The following FOXK1 variants were observed in gnomAD, a reference collection of about 807,000 sequenced individuals.
FOXK1 encodes the protein forkhead box protein K1.
In FOXK1, 19 loss-of-function variants were observed where a neutral mutation model predicts 51.9. The ratio of observed to expected loss-of-function variants is 0.37; its 90% CI spans 0.26 to 0.54. FOXK1 has a LOEUF of 0.54. Among genes scored for constraint, FOXK1 ranks in the 20% least tolerant of loss-of-function variants. FOXK1 has a pLI of 0.87. For missense variants in FOXK1, 870 were observed against 1,032.7 expected, an observed-to-expected ratio of 0.84 and a Z score of 2.16; for synonymous variants, 537 against 482.6, an observed-to-expected ratio of 1.11 and a Z score of -1.48.
intron 1 of FOXK1, among the ~76,000 whole-genome samples, chr7:4,702,266 T>A (rs1407542587): frequency 1.3e-5 from 2 of 152,202 alleles, no homozygotes; most frequent in Non-Finnish European, 2.9e-5. Flanking sequence ...CCTGGAGGAA[T>A]TTAACCCTAG....
At chr7:4,706,045 T>TATATATATAC (rs1562373246) in intron 1 of FOXK1, among the ~76,000 whole-genome samples, 3 of 118,292 alleles carry the variant, frequency 2.5e-5, no homozygotes, top group African/African-American at 1.7e-4. Context: ...TGTATATACG[T>TATATATATAC]GTATATATGT....
Position 4,733,833 on chromosome 7 carries a change from G to A in FOXK1, c.561-7005G>A, listed in dbSNP as rs545078485. Among the ~76,000 whole-genome samples, 1 of 152,222 alleles carries A rather than the reference G, an allele frequency of 6.6e-6. No homozygotes were observed. ...CTGCAGGCTGGGTGGGACGGTGGGA[G>A]CCTTTCCCTGGTCTTTAGTCCGGCT... On this transcript the variant is annotated intron_variant, in intron 1 of 8. Transcript: ENST00000328914. The surrounding 1 kb of genome is among the most constrained non-coding windows in gnomAD (Gnocchi z 5.0).
intron 1 of FOXK1, among the ~76,000 whole-genome samples, chr7:4,719,781 C>G (rs1780285709): frequency 6.6e-6 from 1 of 152,210 alleles, no homozygotes; most frequent in Non-Finnish European, 1.5e-5. Context: ...CGCGCCCGGC[C>G]TGCATTGAAC....
rs1331530699 is a variant in FOXK1 at position 4,723,411 on chromosome 7, A to G, written c.561-17427A>G. ...TGGGGTTTTTTTTTTGGACGTTCCC[A>G]GCTGACTAAATTTGCCTTCTTCCTT... On this transcript the variant is annotated intron_variant, in intron 1 of 8. Coordinates refer to ENST00000328914, the MANE Select transcript of FOXK1 (RefSeq NM_001037165.2). This position sits in a 1 kb window ranked among gnomAD's most constrained non-coding sequence, Gnocchi z 4.7. Among the ~76,000 whole-genome samples the G allele has an allele frequency of 1.3e-5, 2 of 151,778 alleles. No homozygotes were observed. The highest frequency in any genetic ancestry group is 2.4e-5 in the African/African-American group (1 of 41,324).
intron 1 of FOXK1, among the ~76,000 whole-genome samples, chr7:4,712,282 T>A (rs1221737546): frequency 6.6e-6 from 1 of 152,074 alleles, no homozygotes; most frequent in Admixed American, 6.6e-5. Flanking sequence ...CTCCGGCACT[T>A]GGTTCCTGTC....
chr7:4,691,389 C>T (rs1485362950), intron 1 of FOXK1, among the ~76,000 whole-genome samples: 1 of 152,210 alleles, frequency 6.6e-6, no homozygotes, highest in Non-Finnish European at 1.5e-5. Context: ...GGCTGGAGTG[C>T]AGTGGTGCAA....
chr7:4,713,067 C>T (rs1780194199), intron 1 of FOXK1, among the ~76,000 whole-genome samples: 1 of 152,212 alleles, frequency 6.6e-6, no homozygotes, highest in Non-Finnish European at 1.5e-5. Flanking sequence ...ACATCTGGAG[C>T]TCATAGATAA....
chr7:4,758,860 C>T lies in FOXK1; in HGVS notation c.1245-191C>T. On this transcript the variant is annotated intron_variant, in intron 5 of 8. Coordinates refer to ENST00000328914, the MANE Select transcript of FOXK1 (RefSeq NM_001037165.2). This position sits in a 1 kb window ranked among gnomAD's most constrained non-coding sequence, Gnocchi z 4.4. ...TGGAACGGAGCCTCCCCCATGCAGCCCCCACTCAAATGGAGTTTTAAAGGC... is the reference window on the plus strand; with the variant it reads ...TGGAACGGAGCCTCCCCCATGCAGCTCCCACTCAAATGGAGTTTTAAAGGC... 2 of 612,006 alleles carry T rather than the reference C, an allele frequency of 3.3e-6. No homozygotes were observed. Among genetic ancestry groups the T allele is most frequent in the Non-Finnish European group, 5.7e-6 (2 of 353,758 alleles). 37.9% of individuals were successfully genotyped at this position (612,006 alleles called of 1,614,324 possible).
intron 1 of FOXK1, among the ~76,000 whole-genome samples, chr7:4,728,861 C>T (rs545326566): frequency 4.1e-4 from 63 of 151,974 alleles, no homozygotes; most frequent in Non-Finnish European, 8.7e-4. Flanking sequence ...TCTTAGAGGA[C>T]GCAAAGTCTA....
At chr7:4,760,248 A>G (rs10255160) in intron 7 of FOXK1, among the ~76,000 whole-genome samples, 3,071 of 152,286 alleles carry the variant, frequency 0.02, 111 homozygotes, top group African/African-American at 0.068. Flanking sequence ...TTTAGAAGTC[A>G]TTTAGGGAAA....
intron 1 of FOXK1, among the ~76,000 whole-genome samples, chr7:4,712,507 C>A (rs1261558554): frequency 1.3e-5 from 2 of 152,156 alleles, no homozygotes; most frequent in Non-Finnish European, 2.9e-5. Context: ...ATAAACACTT[C>A]TCAGAGGCAG....
At position 4,762,460 on chromosome 7, in the gene FOXK1, A is replaced by T; in HGVS notation, c.2198A>T (p.Glu733Val). The stretch of plus-strand genomic sequence containing the variant: ...GGCCCCCAGGGGCCAGGCACCGGGG[A>T]GTGAGGTCACCTGCAACGCGGGGGA... ...AAGPQGPGTG[E>V] Residue 733 changes from glutamate (E) to valine (V), a missense_variant, in exon 9 of 9, where the codon GAG becomes GTG. Around this residue, in one of 3 missense-constraint regions of FOXK1, gnomAD observed 457 missense variants for 510.8 expected, o/e 0.89. Transcript: ENST00000328914. The surrounding 1 kb of genome is among the most constrained non-coding windows in gnomAD (Gnocchi z 5.7). 6.5e-7 allele frequency: 1 copy of T among 1,541,336 alleles called. No individual in the cohort carries two copies. Among genetic ancestry groups the T allele is most frequent in the Non-Finnish European group, 8.8e-7 (1 of 1,141,176 alleles).
chr7:4,710,541 C>G (rs1166125407), intron 1 of FOXK1, among the ~76,000 whole-genome samples: 1 of 152,166 alleles, frequency 6.6e-6, no homozygotes. Flanking sequence ...CGCCACTGCA[C>G]TCCAGCTTGG....
rs1780810920 is a variant in FOXK1 at position 4,753,993 on chromosome 7, G to T, written c.747-466G>T. Reference sequence around the variant, plus strand: ...CCTGCAGGGCGATGGCACCTCCACAGCCTCTTTCCAGGATCTGCCTCTGTG... The same window carrying T: ...CCTGCAGGGCGATGGCACCTCCACATCCTCTTTCCAGGATCTGCCTCTGTG... On this transcript the variant is annotated intron_variant, in intron 2 of 8. Coordinates refer to ENST00000328914, the MANE Select transcript of FOXK1 (RefSeq NM_001037165.2). The surrounding 1 kb of genome is among the most constrained non-coding windows in gnomAD (Gnocchi z 4.9). 6.6e-6 allele frequency among the ~76,000 whole-genome samples: 1 copy of T among 152,220 alleles called. No homozygotes were observed. Among genetic ancestry groups the T allele is most frequent in the Non-Finnish European group, 1.5e-5 (1 of 68,038 alleles).
At chr7:4,710,539 C>G (rs1018077275) in intron 1 of FOXK1, among the ~76,000 whole-genome samples, 1 of 152,220 alleles carries the variant, frequency 6.6e-6, no homozygotes, top group East Asian at 1.9e-4. Context: ...CGCGCCACTG[C>G]ACTCCAGCTT....
At position 4,743,334 on chromosome 7, in the gene FOXK1, C is replaced by G. The variant is rs987345284; in HGVS notation, c.746+2311C>G. 1.3e-5 allele frequency among the ~76,000 whole-genome samples: 2 copies of G among 152,162 alleles called. No individual in the cohort carries two copies. The highest frequency in any genetic ancestry group is 4.8e-5 in the African/African-American group (2 of 41,442). On this transcript the variant is annotated intron_variant, in intron 2 of 8. Transcript: ENST00000328914. This position sits in a 1 kb window ranked among gnomAD's most constrained non-coding sequence, Gnocchi z 5.3. ...GTGGGAGGCCAAGGCGGGTGGATCA[C>G]TTGAAGCCAGTTCGAGATCAGCCTG...
At chr7:4,751,716 A>C (rs1015994626) in intron 2 of FOXK1, among the ~76,000 whole-genome samples, 1 of 152,206 alleles carries the variant, frequency 6.6e-6, no homozygotes, top group Non-Finnish European at 1.5e-5. Context: ...GAACAAACAC[A>C]TGTGGTCCCT....
chr7:4,719,492 A>AT (rs1383124974), intron 1 of FOXK1, among the ~76,000 whole-genome samples: 287 of 150,526 alleles, frequency 1.9e-3, no homozygotes, highest in African/African-American at 6.6e-3. Context: ...TACACTGCAC[A>AT]TATTTTTTTG....
chr7:4,726,660 G>C (rs1780384954), intron 1 of FOXK1, among the ~76,000 whole-genome samples: 1 of 151,394 alleles, frequency 6.6e-6, no homozygotes, highest in Admixed American at 6.6e-5. Context: ...GGAGGTGCCT[G>C]AGTCCAGAAG....
Sources: gnomAD v4.1 joint callset for allele counts (sites outside exome capture counted in the v4.1 genomes callset) on GRCh38, gnomAD v4.1.1 for gene constraint, gnomAD v4.1.1 regional missense constraint, Gnocchi (gnomAD v3.1) non-coding constraint, MANE v1.5 for transcripts, NCBI Gene and HGNC (gene_info 2026-07-23, HGNC 2026-07-21) for gene names.